NXPH1: variants seen among roughly 807,000 people sequenced by gnomAD.
NXPH1 encodes neurexophilin-1.
NXPH1 carries 5 observed loss-of-function variants against 23.7 expected under a neutral mutation model. The ratio of observed to expected loss-of-function variants is 0.21; its 90% CI spans 0.11 to 0.44. NXPH1 has a LOEUF of 0.44. NXPH1 is among the 20% of genes least tolerant of loss of function. NXPH1 has a pLI of 0.99. For missense variants in NXPH1, 324 were observed against 321.6 expected, an observed-to-expected ratio of 1.01 and a Z score of -0.06; for synonymous variants, 144 against 122.2, an observed-to-expected ratio of 1.18 and a Z score of -1.18.
intron 2 of NXPH1, among the ~76,000 whole-genome samples, chr7:8,575,488 T>A (rs1230567898): frequency 6.6e-6 from 1 of 152,168 alleles, no homozygotes; most frequent in Non-Finnish European, 1.5e-5. Context: ...GCATAGAAAT[T>A]CTTTTAAAAG....
rs1046949588 is a variant in NXPH1 at position 8,433,626 on chromosome 7, C to G, written c.-1240C>G. Among the ~76,000 whole-genome samples the G allele has an allele frequency of 2.6e-5, 4 of 152,124 alleles. No homozygotes were observed. The highest frequency in any genetic ancestry group is 4.8e-5 in the African/African-American group (2 of 41,434). On this transcript the variant is annotated 5_prime_UTR_variant, in exon 1 of 3. Coordinates refer to ENST00000405863, the MANE Select transcript of NXPH1 (RefSeq NM_152745.3). The surrounding 1 kb of genome is among the most constrained non-coding windows in gnomAD (Gnocchi z 6.8). ...GGTCGCCCAGTCCTCTCGGCTGTCT[C>G]GAGCTGAATGGCTGGCAGTCTGCGG...
chr7:8,702,891 T>C (rs1449012253), intron 2 of NXPH1, among the ~76,000 whole-genome samples: 2 of 152,092 alleles, frequency 1.3e-5, no homozygotes, highest in African/African-American at 2.4e-5. Flanking sequence ...GTGCTCATTA[T>C]CCAACTATTG....
intron 2 of NXPH1, among the ~76,000 whole-genome samples, chr7:8,700,132 G>T (rs1467154865): frequency 6.6e-6 from 1 of 152,270 alleles, no homozygotes; most frequent in Non-Finnish European, 1.5e-5. Context: ...GCACCTGAGA[G>T]AAACTGTCAT....
At chr7:8,652,124 C>T (rs1380017549) in intron 2 of NXPH1, among the ~76,000 whole-genome samples, 1 of 152,102 alleles carries the variant, frequency 6.6e-6, no homozygotes, top group African/African-American at 2.4e-5. Context: ...GCTTCAATCT[C>T]AACCTTTACT....
intron 2 of NXPH1, among the ~76,000 whole-genome samples, chr7:8,620,786 T>A (rs80145553): frequency 6.6e-6 from 1 of 152,326 alleles, no homozygotes; most frequent in African/African-American, 2.4e-5. Context: ...TATTCTTTCA[T>A]AAATGGTTAA....
At chr7:8,575,060 A>G (rs1818726350) in intron 2 of NXPH1, among the ~76,000 whole-genome samples, 1 of 152,160 alleles carries the variant, frequency 6.6e-6, no homozygotes, top group South Asian at 2.1e-4. Context: ...CTTTTATATT[A>G]TGTTTGACTC....
chr7:8,511,414 A>C (rs893607011), intron 2 of NXPH1, among the ~76,000 whole-genome samples: 1 of 152,070 alleles, frequency 6.6e-6, no homozygotes, highest in African/African-American at 2.4e-5. Flanking sequence ...CTTTGATTTC[A>C]GATTTCTGCT....
At chr7:8,492,961 C>G (rs1817275402) in intron 2 of NXPH1, among the ~76,000 whole-genome samples, 1 of 151,958 alleles carries the variant, frequency 6.6e-6, no homozygotes, top group Non-Finnish European at 1.5e-5. Flanking sequence ...TTTTGACTCT[C>G]CTAAAATGTA....
At chr7:8,608,830 A>G (rs992407827) in intron 2 of NXPH1, among the ~76,000 whole-genome samples, 1 of 152,170 alleles carries the variant, frequency 6.6e-6, no homozygotes, top group Non-Finnish European at 1.5e-5. Context: ...AAATCCAAAG[A>G]GTCATATTGT....
Position 8,433,954 on chromosome 7 carries a change from A to C in NXPH1, c.-912A>C, listed in dbSNP as rs1816142876. ...TTGAGGAATCATTCACCCACGTGCC[A>C]AAGTAATTGTCCGTGTCAGGAAGGT... is the stretch of plus-strand genomic sequence containing the variant. On this transcript the variant is annotated 5_prime_UTR_variant, in exon 1 of 3. Transcript: ENST00000405863. This position sits in a 1 kb window ranked among gnomAD's most constrained non-coding sequence, Gnocchi z 6.8. 6.6e-6 allele frequency: 1 copy of C among 152,216 alleles called. No individual in the cohort carries two copies. Among genetic ancestry groups the C allele is most frequent in the Admixed American group, 6.5e-5 (1 of 15,286 alleles). 9.4% of individuals were successfully genotyped at this position (152,216 alleles called of 1,614,324 possible).
At chr7:8,697,821 T>C (rs991943268) in intron 2 of NXPH1, among the ~76,000 whole-genome samples, 2 of 152,120 alleles carry the variant, frequency 1.3e-5, no homozygotes, top group Non-Finnish European at 2.9e-5. Flanking sequence ...ATAAGCTTGA[T>C]GAATTTTAGG....
chr7:8,585,367 A>G (rs554588569), intron 2 of NXPH1, among the ~76,000 whole-genome samples: 2 of 152,258 alleles, frequency 1.3e-5, no homozygotes, highest in Admixed American at 6.5e-5. Context: ...TGTTTTTGCT[A>G]TAAACAATCC....
intron 2 of NXPH1, among the ~76,000 whole-genome samples, chr7:8,679,276 C>A (rs567469378): frequency 4.6e-5 from 7 of 152,064 alleles, no homozygotes; most frequent in African/African-American, 1.7e-4. Context: ...TGGCCCCTAA[C>A]ATTTTAAGAA....
chr7:8,630,168 G>A (rs1175555494), intron 2 of NXPH1, among the ~76,000 whole-genome samples: 1 of 152,012 alleles, frequency 6.6e-6, no homozygotes, highest in Admixed American at 6.6e-5. Flanking sequence ...GCCATCAGAG[G>A]GTGACATTCT....
chr7:8,467,438 C>G (rs1042883422), intron 2 of NXPH1, among the ~76,000 whole-genome samples: 2 of 152,152 alleles, frequency 1.3e-5, no homozygotes, highest in Non-Finnish European at 2.9e-5. Context: ...TTAACTTATG[C>G]TTTTATTATG....
intron 2 of NXPH1, among the ~76,000 whole-genome samples, chr7:8,743,321 C>G (rs1035569141): frequency 6.6e-6 from 1 of 152,000 alleles, no homozygotes; most frequent in Non-Finnish European, 1.5e-5. Context: ...AGTTAAAAGA[C>G]ATCTCATTTC....
chr7:8,469,292 A>G (rs1023046677), intron 2 of NXPH1, among the ~76,000 whole-genome samples: 22 of 152,078 alleles, frequency 1.4e-4, no homozygotes, highest in African/African-American at 4.8e-4. Flanking sequence ...AATGACTTCT[A>G]TAGTGACCCA....
chr7:8,540,718 C>T (rs1229461221), intron 2 of NXPH1, among the ~76,000 whole-genome samples: 1 of 151,760 alleles, frequency 6.6e-6, no homozygotes, highest in Non-Finnish European at 1.5e-5. Context: ...AACCAGCCTA[C>T]AGAAGGAACC....
intron 2 of NXPH1, among the ~76,000 whole-genome samples, chr7:8,539,445 GA>G (rs1432532695): frequency 1.3e-5 from 2 of 151,622 alleles, no homozygotes; most frequent in Admixed American, 1.3e-4. Context: ...AGCAGAAATA[GA>G]AAAAAGTGAT....
Sources: gnomAD v4.1 joint callset for allele counts (sites outside exome capture counted in the v4.1 genomes callset) on GRCh38, gnomAD v4.1.1 for gene constraint, Gnocchi (gnomAD v3.1) non-coding constraint, MANE v1.5 for transcripts, NCBI Gene and HGNC (gene_info 2026-07-23, HGNC 2026-07-21) for gene names.